The following RIPK1 variants were observed in gnomAD, a reference collection of about 807,000 sequenced individuals.
RIPK1 encodes the protein receptor-interacting serine/threonine-protein kinase 1.
RIPK1 carries 27 observed loss-of-function variants against 62.4 expected under a neutral mutation model. That is an observed-to-expected ratio of 0.43 (90% confidence interval 0.32 to 0.60). RIPK1 has a LOEUF of 0.60. Among genes scored for constraint, RIPK1 ranks in the 20% least tolerant of loss-of-function variants. The pLI is 0.07. For missense variants in RIPK1, 735 were observed against 831.0 expected (o/e 0.88, Z 1.42); for synonymous variants, 287 against 303.2 (o/e 0.95, Z 0.55).
rs7756417 is a variant in RIPK1 at position 3,103,436 on chromosome 6, G to C, written c.916-789G>C. 9.7e-3 allele frequency among the ~76,000 whole-genome samples: 1,471 copies of C among 151,944 alleles called. 24 individuals carry two copies. The highest frequency in any genetic ancestry group is 0.032 in the African/African-American group (1,344 of 41,390). On this transcript the variant is annotated intron_variant, in intron 7 of 10. Coordinates refer to ENST00000259808, the MANE Select transcript of RIPK1 (RefSeq NM_001354930.2). ...CCTGCCTCAGCCTCCCGAGTAGCTA[G>C]GACTACAGGCACACACCATCATGCC... is the stretch of plus-strand genomic sequence containing the variant.
intron 7 of RIPK1, among the ~76,000 whole-genome samples, chr6:3,090,791 G>GCGCGCCTACCTGCCGCACCTAGTAACCGC (rs1760023305): frequency 6.8e-6 from 1 of 146,508 alleles, no homozygotes; most frequent in African/African-American, 2.7e-5. Flanking sequence ...AGTAACCGCA[G>GCGCGCCTACCTGCCGCACCTAGTAACCGC]AGCGCCTACC....
At chr6:3,080,545 T>C (rs1281547489) in intron 3 of RIPK1, among the ~76,000 whole-genome samples, 1 of 152,240 alleles carries the variant, frequency 6.6e-6, no homozygotes, top group Non-Finnish European at 1.5e-5. Context: ...GACATTTGCA[T>C]GGCATTGTTC....
In RIPK1 at chr6:3,105,574, CAAG is replaced by C. The variant is rs1459288731; in HGVS notation, c.1104_1106del (p.Glu369del). On this transcript the variant is annotated inframe_deletion, in exon 9 of 11. Coordinates refer to ENST00000259808, the MANE Select transcript of RIPK1 (RefSeq NM_001354930.2). The surrounding 1 kb of genome is among the most constrained non-coding windows in gnomAD (Gnocchi z 4.5). ...GTTTGCTCCTTCCCTGGAGCACCCA[CAAG>C]AAGAGAATGAGCCCAGCCTGCAGAG... 1.4e-5 allele frequency: 22 copies of C among 1,613,594 alleles called. No homozygotes were observed. Among genetic ancestry groups the C allele is most frequent in the Non-Finnish European group, 1.5e-5 (18 of 1,179,788 alleles).
chr6:3,112,042 A>T (rs553211397), intron 10 of RIPK1, among the ~76,000 whole-genome samples: 1 of 152,174 alleles, frequency 6.6e-6, no homozygotes, highest in Non-Finnish European at 1.5e-5. Flanking sequence ...GTACATTTTC[A>T]TTTGTTTCCT....
At chr6:3,088,094 T>A (rs1379348987) in intron 6 of RIPK1, among the ~76,000 whole-genome samples, 1 of 152,244 alleles carries the variant, frequency 6.6e-6, no homozygotes, top group Non-Finnish European at 1.5e-5. Flanking sequence ...ATTTTTCTGT[T>A]GAAACTTGTA....
rs79696620 is a variant in RIPK1, at chr6:3,108,286, G to T, written c.1576+2235G>T. On this transcript the variant is annotated intron_variant, in intron 9 of 10. Coordinates refer to ENST00000259808, the MANE Select transcript of RIPK1 (RefSeq NM_001354930.2). ...ATGGGTGACTTTGGGAAAGTCATTT[G>T]CCTCTCCAGAGTTCATTCTCCTCAA... Among the ~76,000 whole-genome samples, 69 of 152,060 alleles carry T rather than the reference G, an allele frequency of 4.5e-4. 1 individual carries two copies. The East Asian group carries it at 9.9e-3, about 22-fold the overall frequency.
chr6:3,094,172 G>A (rs529129980), intron 7 of RIPK1, among the ~76,000 whole-genome samples: 11 of 136,698 alleles, frequency 8.0e-5, no homozygotes, highest in African/African-American at 1.1e-4. Context: ...TAACTGTAGC[G>A]TACCTACCTG....
At chr6:3,068,346 G>C (rs1433241562), upstream of RIPK1, 2 of 985,278 alleles carry the variant, frequency 2.0e-6, no homozygotes, top group Non-Finnish European at 2.4e-6. Flanking sequence ...CGCCCCACTC[G>C]CTTGAAAACA....
chr6:3,105,380 C>A lies in RIPK1; in HGVS notation c.1007-102C>A. Reference sequence around the variant, plus strand: ...TTTGGACTGGTCTCGTACTTGTTTTCTGTGTGTTACTTTGAGATACAGATT... The same window carrying A: ...TTTGGACTGGTCTCGTACTTGTTTTATGTGTGTTACTTTGAGATACAGATT... On this transcript the variant is annotated intron_variant, in intron 8 of 10. Transcript: ENST00000259808. This position sits in a 1 kb window ranked among gnomAD's most constrained non-coding sequence, Gnocchi z 4.5. 1.1e-6 allele frequency: 1 copy of A among 901,976 alleles called. No homozygotes were observed. The highest frequency in any genetic ancestry group is 1.7e-6 in the Non-Finnish European group (1 of 581,534). 55.9% of individuals were successfully genotyped at this position (901,976 alleles called of 1,614,324 possible). A position where few individuals can be genotyped will look rare whatever the true frequency, so the allele number is the denominator to read the frequency against.
chr6:3,068,522 G>T lies in RIPK1; in HGVS notation c.-200G>T, dbSNP rs952122809. On this transcript the variant is annotated 5_prime_UTR_variant, in exon 1 of 11. Coordinates refer to ENST00000259808, the MANE Select transcript of RIPK1 (RefSeq NM_001354930.2). ...CCACGCCCTCCAGCCGGGCGCGCTC[G>T]ACGCGGACGGCGGGCCAGCTGCCGG... is the stretch of plus-strand genomic sequence containing the variant. 3 of 985,128 alleles carry T rather than the reference G, an allele frequency of 3.0e-6. No homozygotes were observed. The highest frequency in any genetic ancestry group is 3.6e-6 in the Non-Finnish European group (3 of 829,836). 61.0% of individuals were successfully genotyped at this position (985,128 alleles called of 1,614,324 possible).
At chr6:3,108,639 G>A (rs2113707901) in intron 9 of RIPK1, among the ~76,000 whole-genome samples, 1 of 152,268 alleles carries the variant, frequency 6.6e-6, no homozygotes, top group South Asian at 2.1e-4. Context: ...GTAAACGGTA[G>A]CTGCTGTTAT....
At chr6:3,106,781 TATG>T (rs1342837493) in intron 9 of RIPK1, among the ~76,000 whole-genome samples, 2 of 152,394 alleles carry the variant, frequency 1.3e-5, no homozygotes, top group East Asian at 1.9e-4. Context: ...CCATAGGTTT[TATG>T]ATAAGATCTG....
intron 4 of RIPK1, 84 bp downstream of exon 4, chr6:3,081,200 GA>G (rs1456576029): frequency 2.1e-6 from 3 of 1,451,362 alleles, no homozygotes; most frequent in Non-Finnish European, 2.8e-6. Context: ...GTACATTGGA[GA>G]AGCTAAAGGA....
upstream of RIPK1, among the ~76,000 whole-genome samples, chr6:3,066,556 A>T (rs1400910049): frequency 6.6e-6 from 1 of 151,916 alleles, no homozygotes; most frequent in Non-Finnish European, 1.5e-5. Context: ...AAAATAATGA[A>T]TAGACTTTGT....
At chr6:3,090,825 C>CACCTAGTAACCGCAGAGT (rs1760030270) in intron 7 of RIPK1, among the ~76,000 whole-genome samples, 8 of 85,020 alleles carry the variant, frequency 9.4e-5, no homozygotes, top group East Asian at 6.4e-4. Context: ...AACCGCAGCG[C>CACCTAGTAACCGCAGAGT]ACCTACCTGC....
upstream of RIPK1, among the ~76,000 whole-genome samples, chr6:3,066,706 T>C (rs1231417435): frequency 6.6e-6 from 1 of 152,100 alleles, no homozygotes; most frequent in African/African-American, 2.4e-5. Context: ...TAAACCAACA[T>C]AGATTCATGG....
intron 5 of RIPK1, among the ~76,000 whole-genome samples, chr6:3,083,662 T>G (rs980251076): frequency 2.6e-5 from 4 of 152,190 alleles, no homozygotes; most frequent in African/African-American, 9.7e-5. Flanking sequence ...ATTGGGAATA[T>G]AAAGATGAGT....
intron 10 of RIPK1, among the ~76,000 whole-genome samples, chr6:3,111,454 T>C: frequency 6.6e-6 from 1 of 151,924 alleles, no homozygotes; most frequent in East Asian, 1.9e-4. Flanking sequence ...GAAAAAGTCA[T>C]GAGGCCAAAA....
intron 1 of RIPK1, among the ~76,000 whole-genome samples, chr6:3,071,778 G>A (rs1458457673): frequency 6.6e-6 from 1 of 152,206 alleles, no homozygotes; most frequent in Non-Finnish European, 1.5e-5. Context: ...CCAAAGTCCA[G>A]TGGACCCAAC....
Sources: gnomAD v4.1 joint callset for allele counts (sites outside exome capture counted in the v4.1 genomes callset) on GRCh38, gnomAD v4.1.1 for gene constraint, Gnocchi (gnomAD v3.1) non-coding constraint, MANE v1.5 for transcripts, NCBI Gene and HGNC (gene_info 2026-07-23, HGNC 2026-07-21) for gene names.